The following COL26A1 variants were observed in gnomAD, a reference collection of about 807,000 sequenced individuals.
COL26A1 encodes the protein collagen type XXVI alpha 1 chain, also known as collagen alpha-1(XXVI) chain.
Under a neutral mutation model 59.3 loss-of-function variants are expected in COL26A1, and 41 were observed. The observed-to-expected ratio is 0.69, with a 90% CI of 0.54 to 0.90. The LOEUF (loss-of-function observed/expected upper bound fraction) is 0.90, where lower values mean the gene tolerates loss of function less well. Among genes scored for constraint, COL26A1 ranks in the 40% least tolerant of loss-of-function variants. The probability of loss-of-function intolerance (pLI) is 0.00; values close to 1 mark genes in which losing one functional copy is unlikely to be tolerated. For synonymous variants in COL26A1, 266 were observed against 256.0 expected (o/e 1.04, Z -0.37); for missense variants, 612 against 602.3 (o/e 1.02, Z -0.17).
At chr7:101,540,813 G>A (rs908673876) in intron 5 of COL26A1, among the ~76,000 whole-genome samples, 4 of 152,040 alleles carry the variant, frequency 2.6e-5, no homozygotes, top group Admixed American at 1.3e-4. Flanking sequence ...CTGCAATCCA[G>A]CCTGGAAGAC....
intron 2 of COL26A1, among the ~76,000 whole-genome samples, chr7:101,434,050 C>CTCCCTCCG (rs1792844529): frequency 3.2e-5 from 1 of 31,510 alleles, no homozygotes; most frequent in Non-Finnish European, 7.3e-5. Flanking sequence ...CCTTCCCTCC[C>CTCCCTCCG]TCCCTCCCTC....
chr7:101,430,020 A>G (rs964918839), intron 2 of COL26A1, among the ~76,000 whole-genome samples: 1 of 152,144 alleles, frequency 6.6e-6, no homozygotes, highest in African/African-American at 2.4e-5. Context: ...TTTAACCTGT[A>G]TATCTATTTG....
rs568700042 is a variant in COL26A1, at chr7:101,466,973, T to C, written c.385+19186T>C. ...GTCTTGCTGCCAGCGCTGGGAGCCC[T>C]GGGCTGAGGTCCAGAGTTAGTGACC... On this transcript the variant is annotated intron_variant, in intron 3 of 12. Coordinates refer to ENST00000313669, the MANE Select transcript of COL26A1 (RefSeq NM_001278563.3). Among the ~76,000 whole-genome samples, 5 of 152,050 alleles carry C rather than the reference T, an allele frequency of 3.3e-5. No individual in the cohort carries two copies. In the South Asian group the frequency reaches 1.0e-3, roughly 32 times the overall value.
intron 1 of COL26A1, among the ~76,000 whole-genome samples, chr7:101,376,326 T>C (rs1038750988): frequency 2.6e-5 from 4 of 151,776 alleles, no homozygotes; most frequent in Non-Finnish European, 5.9e-5. Flanking sequence ...CTCAAAAATA[T>C]CCTCCCCAAA....
At chr7:101,409,143 G>A (rs114863298) in intron 1 of COL26A1, among the ~76,000 whole-genome samples, 11 of 152,268 alleles carry the variant, frequency 7.2e-5, no homozygotes, top group African/African-American at 2.6e-4. Flanking sequence ...AATGAGGAGG[G>A]GAAGAGAAAC....
intron 10 of COL26A1, among the ~76,000 whole-genome samples, chr7:101,551,576 G>T (rs541192415): frequency 3.3e-5 from 5 of 152,196 alleles, no homozygotes; most frequent in Admixed American, 2.0e-4. Context: ...GTGAAACCCT[G>T]TCTCTACTAA....
intron 2 of COL26A1, among the ~76,000 whole-genome samples, chr7:101,421,810 A>G (rs530876966): frequency 6.6e-6 from 1 of 152,204 alleles, no homozygotes; most frequent in South Asian, 2.1e-4. Flanking sequence ...ACCTATACGA[A>G]CATCCTGTTT....
intron 1 of COL26A1, among the ~76,000 whole-genome samples, chr7:101,403,952 G>A (rs542679572): frequency 4.7e-4 from 71 of 152,144 alleles, no homozygotes; most frequent in African/African-American, 1.6e-3. Flanking sequence ...AAAATTTGCC[G>A]GTGTGCTGGT....
intron 2 of COL26A1, among the ~76,000 whole-genome samples, chr7:101,428,725 T>A (rs796685462): frequency 6.6e-5 from 10 of 152,038 alleles, no homozygotes; most frequent in African/African-American, 2.4e-4. Flanking sequence ...TTGCTCAGGC[T>A]GGTCTCCAAC....
intron 2 of COL26A1, among the ~76,000 whole-genome samples, chr7:101,430,287 C>G (rs1562975095): frequency 6.6e-6 from 1 of 151,142 alleles, no homozygotes; most frequent in African/African-American, 2.4e-5. Context: ...CTCTTTCTCT[C>G]TTTCTTTCTT....
intron 1 of COL26A1, among the ~76,000 whole-genome samples, chr7:101,365,938 G>A (rs1402359442): frequency 6.6e-6 from 1 of 152,144 alleles, no homozygotes; most frequent in Non-Finnish European, 1.5e-5. Context: ...TGGAACTTGG[G>A]GACATCTGCA....
rs187750434 is a variant in COL26A1, at chr7:101,504,100, A to T, written c.386-28982A>T. On this transcript the variant is annotated intron_variant, in intron 3 of 12. Coordinates refer to ENST00000313669, the MANE Select transcript of COL26A1 (RefSeq NM_001278563.3). ...CTCACTACCCCAGCTGAGCCCCAAC[A>T]CCTCTTTTTTTTTCTTTGGGGACAC... Among the ~76,000 whole-genome samples, 11 of 147,234 alleles carry T rather than the reference A, an allele frequency of 7.5e-5. No individual in the cohort carries two copies. In the East Asian group the frequency reaches 2.0e-3, roughly 27 times the overall value.
intron 1 of COL26A1, among the ~76,000 whole-genome samples, chr7:101,385,958 G>A (rs1169873065): frequency 1.3e-5 from 2 of 152,016 alleles, no homozygotes; most frequent in African/African-American, 2.4e-5. Flanking sequence ...TGATCTGCCT[G>A]CCTCGGCCTC....
intron 1 of COL26A1, among the ~76,000 whole-genome samples, chr7:101,385,895 C>T (rs567281246): frequency 6.6e-6 from 1 of 151,388 alleles, no homozygotes; most frequent in Admixed American, 6.6e-5. Flanking sequence ...TAGTAGAGAC[C>T]GGATGTTAGT....
chr7:101,533,504 C>G (rs1022209786), intron 4 of COL26A1, among the ~76,000 whole-genome samples: 1 of 152,020 alleles, frequency 6.6e-6, no homozygotes, highest in East Asian at 1.9e-4. Context: ...ACAGAGGAAC[C>G]GATGGGAAAA....
At chr7:101,536,031 GT>G (rs1465108066) in intron 4 of COL26A1, among the ~76,000 whole-genome samples, 1 of 152,166 alleles carries the variant, frequency 6.6e-6, no homozygotes, top group Admixed American at 6.5e-5. Context: ...CCTCTAGGAG[GT>G]TTTTTTAGAC....
chr7:101,511,783 G>A (rs779691625), intron 3 of COL26A1, among the ~76,000 whole-genome samples: 2 of 152,102 alleles, frequency 1.3e-5, no homozygotes, highest in Admixed American at 6.6e-5. Flanking sequence ...GCATAAGCAC[G>A]GGAGTTTGAG....
chr7:101,425,123 A>G (rs1410705837), intron 2 of COL26A1, among the ~76,000 whole-genome samples: 1 of 147,534 alleles, frequency 6.8e-6, no homozygotes, highest in African/African-American at 2.4e-5. Context: ...GCGGTGGCTC[A>G]TGCCTGTAAT....
At chr7:101,364,487 G>A (rs930332805) in intron 1 of COL26A1, among the ~76,000 whole-genome samples, 4 of 151,496 alleles carry the variant, frequency 2.6e-5, no homozygotes, top group African/African-American at 9.7e-5. Context: ...CATTAGAGTA[G>A]TATCTTTCCT....
Sources: allele counts gnomAD v4.1 joint callset (sites outside exome capture counted in the v4.1 genomes callset), GRCh38; gene constraint gnomAD v4.1.1; transcripts MANE v1.5; gene names NCBI Gene and HGNC (gene_info 2026-07-23, HGNC 2026-07-21).